Variants in PDE4D observed in about 807,000 individuals in gnomAD.
PDE4D encodes the protein phosphodiesterase 4D, also known as 3',5'-cyclic-AMP phosphodiesterase 4D.
In PDE4D, 24 loss-of-function variants were observed where a neutral mutation model predicts 87.4. The observed-to-expected ratio is 0.27, with a 90% CI of 0.20 to 0.39. PDE4D has a LOEUF of 0.39. Ranked by LOEUF, PDE4D falls within the 10% of genes least tolerant of loss-of-function variation. The pLI, the probability that PDE4D is intolerant of heterozygous loss-of-function variation, is 1.00. For missense variants in PDE4D, 714 were observed against 1,041.0 expected, an observed-to-expected ratio of 0.69 and a Z score of 4.32; for synonymous variants, 384 against 383.2, an observed-to-expected ratio of 1.00 and a Z score of -0.02.
chr5:59,278,135 T>TA (rs975950295), intron 1 of PDE4D, among the ~76,000 whole-genome samples: 25 of 151,450 alleles, frequency 1.7e-4, no homozygotes, highest in South Asian at 8.4e-4. Context: ...AGTGACAGAA[T>TA]AAAAAAAAAG....
At chr5:59,002,405 C>G (rs1015935737) in intron 6 of PDE4D, among the ~76,000 whole-genome samples, 1 of 151,978 alleles carries the variant, frequency 6.6e-6, no homozygotes, top group African/African-American at 2.4e-5. Flanking sequence ...TGCATGACTG[C>G]TGAGGCTAAG....
intron 2 of PDE4D, among the ~76,000 whole-genome samples, chr5:60,181,948 G>A (rs751764477): frequency 6.6e-6 from 1 of 152,118 alleles, no homozygotes; most frequent in Non-Finnish European, 1.5e-5. Context: ...TCTCTTGTCT[G>A]TACCTTTCCT....
At chr5:60,303,088 C>G (rs922858522) in intron 1 of PDE4D, among the ~76,000 whole-genome samples, 4 of 152,156 alleles carry the variant, frequency 2.6e-5, no homozygotes, top group Admixed American at 1.3e-4. Flanking sequence ...CTAGGCCTCC[C>G]CAAGTACTGG....
At chr5:59,890,130 T>C (rs1373415493) in intron 1 of PDE4D, among the ~76,000 whole-genome samples, 1 of 152,194 alleles carries the variant, frequency 6.6e-6, no homozygotes, top group Non-Finnish European at 1.5e-5. Context: ...ATAAAAGATA[T>C]ACCTTTCTTG....
intron 2 of PDE4D, among the ~76,000 whole-genome samples, chr5:60,130,415 A>ATCTGTC (rs1335659700): frequency 6.6e-6 from 1 of 152,198 alleles, no homozygotes; most frequent in African/African-American, 2.4e-5. Context: ...GAGATGCCCA[A>ATCTGTC]TCTGTCTCCA....
chr5:60,119,519 C>A (rs542073467), intron 2 of PDE4D, among the ~76,000 whole-genome samples: 1 of 152,294 alleles, frequency 6.6e-6, no homozygotes, highest in Admixed American at 6.5e-5. Flanking sequence ...AAATGGTTGT[C>A]CTCTGGAATT....
rs1181228411 is a variant in PDE4D, at chr5:59,702,379, GC to G, written c.455+190788del. Among the ~76,000 whole-genome samples, 7 of 152,070 alleles carry G rather than the reference GC, an allele frequency of 4.6e-5. No homozygotes were observed. In the East Asian group the frequency reaches 1.4e-3, roughly 29 times the overall value. ...CTGACCTTGTGATCTGCCTGCCTCG[GC>G]CTCCCAAAGTGCTGGGATTACAGGT... On this transcript the variant is annotated intron_variant, in intron 1 of 14. Transcript: ENST00000340635.
chr5:59,793,963 G>A (rs954665008), intron 1 of PDE4D, among the ~76,000 whole-genome samples: 3 of 152,226 alleles, frequency 2.0e-5, no homozygotes, highest in Middle Eastern at 3.4e-3. Context: ...CTCCTGTGGC[G>A]TGCAGGACGT....
At chr5:60,074,068 T>TG (rs1773026700) in intron 2 of PDE4D, among the ~76,000 whole-genome samples, 1 of 152,112 alleles carries the variant, frequency 6.6e-6, no homozygotes, top group Non-Finnish European at 1.5e-5. Flanking sequence ...TTCTGATAGT[T>TG]TTGGGGTTGG....
chr5:59,368,764 G>A (rs1783485064), intron 1 of PDE4D, among the ~76,000 whole-genome samples: 2 of 152,178 alleles, frequency 1.3e-5, no homozygotes, highest in South Asian at 4.1e-4. Flanking sequence ...TGATTGGGAA[G>A]TGATTACAAA....
intron 1 of PDE4D, among the ~76,000 whole-genome samples, chr5:59,482,795 C>G (rs1804497673): frequency 6.6e-6 from 1 of 152,112 alleles, no homozygotes; most frequent in African/African-American, 2.4e-5. Context: ...CATCATTTTT[C>G]TATTTCCTAC....
intron 1 of PDE4D, among the ~76,000 whole-genome samples, chr5:59,255,336 T>C (rs968203983): frequency 6.6e-6 from 1 of 152,104 alleles, no homozygotes; most frequent in Non-Finnish European, 1.5e-5. Context: ...ATTCCATTTA[T>C]ATGAAACATT....
At chr5:59,939,305 T>C (rs1371018144) in intron 3 of PDE4D, among the ~76,000 whole-genome samples, 4 of 152,200 alleles carry the variant, frequency 2.6e-5, no homozygotes, top group African/African-American at 7.2e-5. Flanking sequence ...TGAGATTATA[T>C]ATTTTATGCT....
At chr5:60,069,210 C>T (rs1389015053) in intron 2 of PDE4D, among the ~76,000 whole-genome samples, 1 of 152,042 alleles carries the variant, frequency 6.6e-6, no homozygotes, top group East Asian at 1.9e-4. Flanking sequence ...TCTTTGTCTC[C>T]CTAAATCTAT....
intron 6 of PDE4D, among the ~76,000 whole-genome samples, chr5:59,014,970 A>C (rs866491733): frequency 6.6e-6 from 1 of 152,184 alleles, no homozygotes; most frequent in African/African-American, 2.4e-5. Context: ...ATAATACCAC[A>C]TGTCTACAAC....
intron 1 of PDE4D, among the ~76,000 whole-genome samples, chr5:59,413,457 C>CAAAAA (rs34074485): frequency 0.011 from 603 of 54,006 alleles, 21 homozygotes; most frequent in African/African-American, 0.031. Context: ...GACTCCATCT[C>CAAAAA]AAAAAAAAAA....
At chr5:59,404,734 G>T (rs1254025999) in intron 1 of PDE4D, among the ~76,000 whole-genome samples, 1 of 151,154 alleles carries the variant, frequency 6.6e-6, no homozygotes, top group Non-Finnish European at 1.5e-5. Context: ...TCTTTCAATA[G>T]TTTTATAGTT....
At chr5:60,192,377 T>C (rs1785265144) in intron 1 of PDE4D, among the ~76,000 whole-genome samples, 1 of 152,194 alleles carries the variant, frequency 6.6e-6, no homozygotes, top group African/African-American at 2.4e-5. Flanking sequence ...AGGAATTTGA[T>C]AATAAGTACC....
chr5:59,785,343 A>G (rs929962551), intron 1 of PDE4D, among the ~76,000 whole-genome samples: 2 of 152,220 alleles, frequency 1.3e-5, no homozygotes, highest in Non-Finnish European at 2.9e-5. Flanking sequence ...AATTCTGACC[A>G]TAATATTTCT....
Sources: gnomAD v4.1 joint callset for allele counts (sites outside exome capture counted in the v4.1 genomes callset) on GRCh38, gnomAD v4.1.1 for gene constraint, MANE v1.5 for transcripts, NCBI Gene and HGNC (gene_info 2026-07-23, HGNC 2026-07-21) for gene names.